Variants in PTPRT observed in about 807,000 individuals in gnomAD.
The protein encoded by PTPRT is receptor-type tyrosine-protein phosphatase T.
PTPRT carries 56 observed loss-of-function variants against 176.8 expected under a neutral mutation model. The observed-to-expected ratio is 0.32, with a 90% CI of 0.26 to 0.40. The LOEUF (loss-of-function observed/expected upper bound fraction) is 0.40, where lower values mean the gene tolerates loss of function less well. Ranked by LOEUF, PTPRT falls within the 10% of genes least tolerant of loss-of-function variation. The pLI is 1.00. For missense variants in PTPRT, 1,540 were observed against 1,908.2 expected, an observed-to-expected ratio of 0.81 and a Z score of 3.60; for synonymous variants, 783 against 739.0, an observed-to-expected ratio of 1.06 and a Z score of -0.96.
At chr20:42,996,830 C>A (rs1244299100) in intron 1 of PTPRT, among the ~76,000 whole-genome samples, 1 of 152,082 alleles carries the variant, frequency 6.6e-6, no homozygotes, top group African/African-American at 2.4e-5. Flanking sequence ...TATGTCTCAG[C>A]GTCACTATTT....
intron 1 of PTPRT, among the ~76,000 whole-genome samples, chr20:43,095,165 TTCCATC>T (rs1195028104): frequency 2.0e-5 from 3 of 152,038 alleles, no homozygotes; most frequent in Non-Finnish European, 4.4e-5. Context: ...CAAAGCCCAT[TTCCATC>T]TGGGAGCTGG....
At chr20:43,050,759 A>G (rs1426735686) in intron 1 of PTPRT, among the ~76,000 whole-genome samples, 2 of 152,306 alleles carry the variant, frequency 1.3e-5, no homozygotes, top group East Asian at 3.9e-4. Flanking sequence ...CTTTCCTGAT[A>G]ACAGAACCTC....
At chr20:42,752,202 TCTTA>T (rs2076779160) in intron 6 of PTPRT, among the ~76,000 whole-genome samples, 1 of 152,178 alleles carries the variant, frequency 6.6e-6, no homozygotes. Flanking sequence ...CCTTCATCTC[TCTTA>T]CTTCTTTGTC....
chr20:42,352,612 G>A (rs1250511091), intron 9 of PTPRT, among the ~76,000 whole-genome samples: 1 of 152,070 alleles, frequency 6.6e-6, no homozygotes, highest in Non-Finnish European at 1.5e-5. Flanking sequence ...ATGGTTAATG[G>A]GTAGAAAAAA....
chr20:42,131,841 G>A (rs1030014537), intron 18 of PTPRT, among the ~76,000 whole-genome samples: 1 of 152,216 alleles, frequency 6.6e-6, no homozygotes, highest in South Asian at 2.1e-4. Context: ...AATGAGTAAG[G>A]TTTGGCCAGT....
intron 1 of PTPRT, among the ~76,000 whole-genome samples, chr20:43,105,347 T>C (rs893871728): frequency 6.6e-6 from 1 of 151,562 alleles, no homozygotes; most frequent in African/African-American, 2.4e-5. Flanking sequence ...GCCCCCTTCA[T>C]AGGGACCAAT....
intron 9 of PTPRT, among the ~76,000 whole-genome samples, chr20:42,393,721 T>C (rs1303064607): frequency 1.3e-5 from 2 of 152,226 alleles, no homozygotes; most frequent in Non-Finnish European, 2.9e-5. Context: ...GTTCCTATTG[T>C]TTGGGTCACT....
intron 9 of PTPRT, among the ~76,000 whole-genome samples, chr20:42,440,452 T>C (rs1241937588): frequency 6.6e-6 from 1 of 151,772 alleles, no homozygotes; most frequent in Non-Finnish European, 1.5e-5. Context: ...AAGGCAAAAA[T>C]AAATATAGCA....
intron 1 of PTPRT, among the ~76,000 whole-genome samples, chr20:43,117,764 A>G (rs1408351344): frequency 6.6e-6 from 1 of 152,218 alleles, no homozygotes; most frequent in Non-Finnish European, 1.5e-5. Context: ...TTCAAGTTGG[A>G]CAATGCCAGG....
chr20:43,078,526 T>G (rs1297946105), intron 1 of PTPRT, among the ~76,000 whole-genome samples: 1 of 152,158 alleles, frequency 6.6e-6, no homozygotes, highest in East Asian at 1.9e-4. Flanking sequence ...CACATAAATT[T>G]TGGTTTGATA....
chr20:42,081,121 AC>A (rs905616605), intron 30 of PTPRT, among the ~76,000 whole-genome samples, 189 bp from the exon 31 acceptor site: 52 of 152,188 alleles, frequency 3.4e-4, no homozygotes, highest in African/African-American at 1.2e-3. Flanking sequence ...GCCTGCTTCT[AC>A]CCAAGCTTCC....
chr20:42,169,743 A>AACACACACACACACACACACACAC (rs56329932), intron 16 of PTPRT, among the ~76,000 whole-genome samples: 2 of 104,596 alleles, frequency 1.9e-5, no homozygotes, highest in African/African-American at 7.7e-5. Context: ...ACAATTTTCA[A>AACACACACACACACACACACACAC]ACACACACAC....
the PTPRT span, among the ~76,000 whole-genome samples, chr20:42,067,187 ATTT>A: frequency 6.6e-6 from 1 of 152,060 alleles, no homozygotes; most frequent in African/African-American, 2.4e-5. Context: ...ATGTGCTGTT[ATTT>A]TTCTTTAGCA....
chr20:42,310,277 A>C (rs1458112094), intron 12 of PTPRT, among the ~76,000 whole-genome samples: 1 of 152,192 alleles, frequency 6.6e-6, no homozygotes, highest in East Asian at 1.9e-4. Context: ...CTATCAGAGA[A>C]AAGGGTAAGT....
At chr20:42,869,742 A>G (rs2078812299) in intron 2 of PTPRT, among the ~76,000 whole-genome samples, 1 of 152,230 alleles carries the variant, frequency 6.6e-6, no homozygotes. Context: ...TATGAGAAGG[A>G]CATGGATTTT....
chr20:42,627,646 T>G (rs2074317691), intron 7 of PTPRT, among the ~76,000 whole-genome samples: 1 of 152,110 alleles, frequency 6.6e-6, no homozygotes, highest in Admixed American at 6.5e-5. Flanking sequence ...TGAGCTCACA[T>G]CTACGGAGGC....
chr20:42,057,402 G>A, the PTPRT span, among the ~76,000 whole-genome samples: 15 of 152,110 alleles, frequency 9.9e-5, no homozygotes, highest in South Asian at 4.2e-4. Context: ...AGCAGGGAAC[G>A]GATTGTGAGA....
At chr20:42,889,262 C>A (rs953598942) in intron 1 of PTPRT, among the ~76,000 whole-genome samples, 4 of 152,222 alleles carry the variant, frequency 2.6e-5, no homozygotes, top group Non-Finnish European at 5.9e-5. Flanking sequence ...AGCAGGTAAG[C>A]AAATGCTTTT....
At chr20:42,965,413 G>A (rs1054065461) in intron 1 of PTPRT, among the ~76,000 whole-genome samples, 1 of 151,738 alleles carries the variant, frequency 6.6e-6, no homozygotes, top group Admixed American at 6.6e-5. Flanking sequence ...CAAGAGTGTA[G>A]ATAATAAACC....
Sources: gnomAD v4.1 joint callset for allele counts (sites outside exome capture counted in the v4.1 genomes callset) on GRCh38, gnomAD v4.1.1 for gene constraint, MANE v1.5 for transcripts, NCBI Gene and HGNC (gene_info 2026-07-23, HGNC 2026-07-21) for gene names.